CAB39: variants seen among roughly 807,000 people sequenced by gnomAD.
CAB39 encodes the protein calcium binding protein 39.
In CAB39, 8 loss-of-function variants were observed where a neutral mutation model predicts 40.0. That is an observed-to-expected ratio of 0.20 (90% CI 0.12 to 0.36). CAB39 has a LOEUF of 0.36. CAB39 is among the 10% of genes least tolerant of loss of function. CAB39 has a pLI of 1.00. For synonymous variants in CAB39, 156 were observed against 141.6 expected (o/e 1.10, Z -0.72); for missense variants, 270 against 401.1 (o/e 0.67, Z 2.79).
At chr2:230,802,283 T>C in intron 5 of CAB39, among the ~76,000 whole-genome samples, 1 of 152,172 alleles carries the variant, frequency 6.6e-6, no homozygotes, top group East Asian at 1.9e-4. Context: ...GGGAAATTTA[T>C]AGCACTAAAT....
chr2:230,805,270 G>A (rs1696171167), intron 5 of CAB39, among the ~76,000 whole-genome samples: 1 of 151,970 alleles, frequency 6.6e-6, no homozygotes, highest in Non-Finnish European at 1.5e-5. Context: ...GGGTGGGGGA[G>A]GGATAGCATT....
Position 230,772,472 on chromosome 2 carries a change from AAAATAGTTTGGC to A in CAB39, c.114+12359_114+12370del, listed in dbSNP as rs1054985034. On this transcript the variant is annotated intron_variant, in intron 2 of 8. Coordinates refer to ENST00000258418, the MANE Select transcript of CAB39 (RefSeq NM_016289.4). ...ATATAAGATGGTATGACTACTTTGGAAAATAGTTTGGCAGGTTTTTTTTTTTTTTTGAGACGA... is the reference window on the plus strand; with the variant it reads ...ATATAAGATGGTATGACTACTTTGGAAGGTTTTTTTTTTTTTTTGAGACGA... Among the ~76,000 whole-genome samples the A allele has an allele frequency of 2.0e-5, 3 of 151,162 alleles. No individual in the cohort carries two copies. The East Asian group carries it at 5.8e-4, about 29-fold the overall frequency.
chr2:230,813,740 C>T (rs1696345219), intron 6 of CAB39, among the ~76,000 whole-genome samples: 1 of 151,902 alleles, frequency 6.6e-6, no homozygotes, highest in Admixed American at 6.6e-5. Context: ...GCATAGGGAG[C>T]TTGGGGTGAC....
rs1694929870 is a variant in CAB39 at position 230,744,051 on chromosome 2, C to T, written c.-43-15908C>T. ...TCTCCTGCCTCAGCCTCCCTAGTTG[C>T]TGGGATTACAGGCATCTGCCACCAT... On this transcript the variant is annotated intron_variant, in intron 1 of 8. Transcript: ENST00000258418. 2.0e-5 allele frequency among the ~76,000 whole-genome samples: 3 copies of T among 151,430 alleles called. No homozygotes were observed. The South Asian group carries it at 6.2e-4, about 31-fold the overall frequency.
rs552275753 is a variant in CAB39, at chr2:230,784,001, G to A, written c.115-6871G>A. Reference sequence around the variant, plus strand: ...GTTATGAAAAGATAATTCTAGGTGTGATGTGGAGAATGCATCCCCATTAGG... The same window carrying A: ...GTTATGAAAAGATAATTCTAGGTGTAATGTGGAGAATGCATCCCCATTAGG... On this transcript the variant is annotated intron_variant, in intron 2 of 8. Transcript: ENST00000258418. Among the ~76,000 whole-genome samples, 6 of 152,314 alleles carry A rather than the reference G, an allele frequency of 3.9e-5. No homozygotes were observed. In the East Asian group the frequency reaches 1.2e-3, roughly 29 times the overall value.
At chr2:230,725,017 C>A in intron 1 of CAB39, 1 of 1,176,576 alleles carries the variant, frequency 8.5e-7, no homozygotes, top group South Asian at 1.3e-5. Flanking sequence ...TCCCAAAAGA[C>A]CCCGGAGTAC....
At chr2:230,750,570 T>C (rs1695067946) in intron 1 of CAB39, among the ~76,000 whole-genome samples, 1 of 149,916 alleles carries the variant, frequency 6.7e-6, no homozygotes, top group Admixed American at 6.6e-5. Flanking sequence ...ACCACATCTT[T>C]TATTTTTTTT....
At chr2:230,807,693 T>C (rs937534850) in intron 5 of CAB39, among the ~76,000 whole-genome samples, 2 of 152,214 alleles carry the variant, frequency 1.3e-5, no homozygotes, top group African/African-American at 4.8e-5. Context: ...ACAGAGTGAA[T>C]ACTCGCTTCT....
chr2:230,775,384 C>T (rs985293401), intron 2 of CAB39, among the ~76,000 whole-genome samples: 4 of 151,674 alleles, frequency 2.6e-5, no homozygotes, highest in East Asian at 3.9e-4. Context: ...TACAGGCATG[C>T]GTTGCCATGC....
intron 1 of CAB39, among the ~76,000 whole-genome samples, chr2:230,735,581 A>G (rs1427146308): frequency 2.0e-5 from 3 of 151,912 alleles, no homozygotes; most frequent in Non-Finnish European, 4.4e-5. Flanking sequence ...TGGTGCAGTC[A>G]TGGCTCACTG....
intron 2 of CAB39, among the ~76,000 whole-genome samples, chr2:230,774,414 T>G (rs1374942103): frequency 2.0e-5 from 3 of 152,188 alleles, no homozygotes; most frequent in Non-Finnish European, 4.4e-5. Flanking sequence ...CAAAACTAAT[T>G]TTCTTACATT....
At chr2:230,792,821 T>C (rs948706585) in intron 3 of CAB39, among the ~76,000 whole-genome samples, 1 of 152,148 alleles carries the variant, frequency 6.6e-6, no homozygotes, top group Non-Finnish European at 1.5e-5. Flanking sequence ...AAAGCACATA[T>C]AGTGTTCCCA....
intron 2 of CAB39, among the ~76,000 whole-genome samples, chr2:230,771,628 A>C (rs1365766195): frequency 1.3e-5 from 2 of 152,236 alleles, no homozygotes; most frequent in Non-Finnish European, 1.5e-5. Context: ...ATTTGAATGG[A>C]AGTGCAAAAG....
At chr2:230,796,345 C>T (rs1202024761) in intron 4 of CAB39, among the ~76,000 whole-genome samples, 2 of 151,816 alleles carry the variant, frequency 1.3e-5, no homozygotes, top group African/African-American at 2.4e-5. Flanking sequence ...CATTTGGAGG[C>T]GATTTTTTTT....
intron 1 of CAB39, among the ~76,000 whole-genome samples, chr2:230,756,971 G>T (rs1346202205): frequency 6.6e-6 from 1 of 152,210 alleles, no homozygotes; most frequent in Admixed American, 6.5e-5. Flanking sequence ...GATTACAGGC[G>T]TGAGCCACCA....
chr2:230,773,330 G>A (rs2124934298), intron 2 of CAB39, among the ~76,000 whole-genome samples: 1 of 151,182 alleles, frequency 6.6e-6, no homozygotes, highest in East Asian at 1.9e-4. Context: ...GTGTGTGTGT[G>A]TGTGTGTGTG....
chr2:230,750,078 T>C (rs544293567), intron 1 of CAB39, among the ~76,000 whole-genome samples: 4 of 152,380 alleles, frequency 2.6e-5, no homozygotes, highest in Non-Finnish European at 5.9e-5. Flanking sequence ...AGAATCCTGC[T>C]GTTACTTTGA....
chr2:230,738,858 A>G (rs937552613), intron 1 of CAB39, among the ~76,000 whole-genome samples: 1 of 152,230 alleles, frequency 6.6e-6, no homozygotes, highest in Non-Finnish European at 1.5e-5. Flanking sequence ...AAGGTTATAA[A>G]TTTTGCAAAT....
At chr2:230,748,901 T>C in intron 1 of CAB39, among the ~76,000 whole-genome samples, 1 of 135,850 alleles carries the variant, frequency 7.4e-6, no homozygotes, top group South Asian at 2.4e-4. Flanking sequence ...TCCACACTTA[T>C]TAGCTATGAA....
Sources: gnomAD v4.1 joint callset for allele counts (sites outside exome capture counted in the v4.1 genomes callset) on GRCh38, gnomAD v4.1.1 for gene constraint, MANE v1.5 for transcripts, NCBI Gene and HGNC (gene_info 2026-07-23, HGNC 2026-07-21) for gene names.